Variants in KIAA0513 observed in about 807,000 individuals in gnomAD.
KIAA0513 encodes KIAA0513.
In KIAA0513, 39 loss-of-function variants were observed where a neutral mutation model predicts 56.5. That is an observed-to-expected ratio of 0.69 (90% confidence interval 0.53 to 0.90). The LOEUF (loss-of-function observed/expected upper bound fraction) is 0.90, where lower values mean the gene tolerates loss of function less well. Ranked by LOEUF, KIAA0513 falls within the 40% of genes least tolerant of loss-of-function variation. The pLI is 0.00. For synonymous variants in KIAA0513, 268 were observed against 215.6 expected (o/e 1.24, Z -2.13); for missense variants, 591 against 535.2 (o/e 1.10, Z -1.03).
In KIAA0513 at chr16:85,078,843, T is replaced by G; in HGVS notation, c.824-82T>G. On this transcript the variant is annotated intron_variant, in intron 7 of 12. Transcript: ENST00000683363. ...CAGTGACATTCGGGGAGAAACTGGC[T>G]GCTGGGAGGCTGTCACCCGGGGTTT... 2.8e-6 allele frequency: 4 copies of G among 1,448,186 alleles called. No homozygotes were observed. The Admixed American group carries it at 6.7e-5, about 24-fold the overall frequency. 89.7% of individuals were successfully genotyped at this position (1,448,186 alleles called of 1,614,324 possible).
intron 1 of KIAA0513, among the ~76,000 whole-genome samples, chr16:85,034,136 T>A (rs908849635): frequency 1.3e-5 from 2 of 152,088 alleles, no homozygotes; most frequent in African/African-American, 4.8e-5. Flanking sequence ...CCCAGCACTT[T>A]GGGAGGCGGA....
At chr16:85,040,506 G>T (rs1016700952) in intron 1 of KIAA0513, among the ~76,000 whole-genome samples, 3 of 152,090 alleles carry the variant, frequency 2.0e-5, no homozygotes, top group Non-Finnish European at 2.9e-5. Context: ...CTCCAGCCTG[G>T]GTGACAGGAT....
At chr16:85,037,505 A>G (rs1050763894) in intron 1 of KIAA0513, among the ~76,000 whole-genome samples, 9 of 152,220 alleles carry the variant, frequency 5.9e-5, no homozygotes, top group African/African-American at 1.7e-4. Context: ...AGACGAACAC[A>G]GTGTCCATAT....
In KIAA0513 at chr16:85,061,430, C is replaced by T. The variant is rs561556292; in HGVS notation, c.-172-5470C>T. Among the ~76,000 whole-genome samples, 4 of 152,302 alleles carry T rather than the reference C, an allele frequency of 2.6e-5. No individual in the cohort carries two copies. In the South Asian group the frequency reaches 8.3e-4, roughly 32 times the overall value. ...CGGTCTCTTCCTGGCCTCTCCCCGC[C>T]TTGCCTTACTGCAGCTTCAACAGGG... is the stretch of plus-strand genomic sequence containing the variant. On this transcript the variant is annotated intron_variant, in intron 1 of 12. Coordinates refer to ENST00000683363, the MANE Select transcript of KIAA0513 (RefSeq NM_001388359.1).
At chr16:85,035,026 C>T (rs998631689) in intron 1 of KIAA0513, among the ~76,000 whole-genome samples, 8 of 152,256 alleles carry the variant, frequency 5.3e-5, no homozygotes, top group African/African-American at 1.9e-4. Flanking sequence ...GTGCACCTAC[C>T]TCTGCCCCCC....
chr16:85,084,501 C>T (rs1228113221), intron 10 of KIAA0513, among the ~76,000 whole-genome samples: 11 of 148,402 alleles, frequency 7.4e-5, no homozygotes, highest in Non-Finnish European at 1.6e-4. Context: ...GCGATCTCGG[C>T]TCACTGCAAC....
chr16:85,082,654 C>T lies in KIAA0513; in HGVS notation c.1010+61C>T, dbSNP rs527810696. 14 of 1,538,998 alleles carry T rather than the reference C, an allele frequency of 9.1e-6. No individual in the cohort carries two copies. In the African/African-American group the frequency reaches 1.1e-4, roughly 12 times the overall value. On this transcript the variant is annotated intron_variant, in intron 10 of 12. Coordinates refer to ENST00000683363, the MANE Select transcript of KIAA0513 (RefSeq NM_001388359.1). Reference sequence around the variant, plus strand: ...GTGCGGGCTCCTGCGAAGGCCACTGCAGGGTGGGGGCTGTGCACTGTGCTG... The same window carrying T: ...GTGCGGGCTCCTGCGAAGGCCACTGTAGGGTGGGGGCTGTGCACTGTGCTG...
rs1465449911 is a variant in KIAA0513 at position 85,035,272 on chromosome 16, CTCGTTCT to C, written c.-173+7418_-173+7424del. Among the ~76,000 whole-genome samples, 22 of 152,280 alleles carry C rather than the reference CTCGTTCT, an allele frequency of 1.4e-4. No individual in the cohort carries two copies. In the South Asian group the frequency reaches 4.3e-3, roughly 30 times the overall value. On this transcript the variant is annotated intron_variant, in intron 1 of 12. Transcript: ENST00000683363. ...GCTCTGCAAGTTCTGTGTTGTCCTG[CTCGTTCT>C]TCGGTTCCCCAGGCCTAGCCCAGTG...
At chr16:85,063,031 A>G (rs1016288141) in intron 1 of KIAA0513, among the ~76,000 whole-genome samples, 1 of 152,128 alleles carries the variant, frequency 6.6e-6, no homozygotes, top group Non-Finnish European at 1.5e-5. Flanking sequence ...GGGTCCGGGG[A>G]CAGGGGTGGT....
intron 1 of KIAA0513, among the ~76,000 whole-genome samples, chr16:85,052,598 G>C (rs2073269892): frequency 1.3e-5 from 2 of 152,212 alleles, no homozygotes; most frequent in Admixed American, 1.3e-4. Flanking sequence ...ATAGCAATGA[G>C]TATAGATTCT....
In KIAA0513 at chr16:85,067,181, C is replaced by G. The variant is rs575046019; in HGVS notation, c.110C>G (p.Ser37Cys). The G allele has an allele frequency of 3.7e-6, 6 of 1,614,162 alleles. No homozygotes were observed. The African/African-American group carries it at 5.3e-5, about 14-fold the overall frequency. The change falls in exon 2 of 13, where the codon TCC becomes TGC. Residue 37 changes from serine to cysteine, a missense_variant. Ser to Cys is a moderately radical substitution (Grantham distance 112). Coordinates refer to ENST00000683363, the MANE Select transcript of KIAA0513 (RefSeq NM_001388359.1). Reference protein sequence around the residue: ...PPPVLQDGDGSLGDGASESET... With the variant: ...PPPVLQDGDGCLGDGASESET... ...CCTGTGCTGCAGGACGGCGATGGCT[C>G]CCTGGGGGACGGTGCATCAGAGAGT...
chr16:85,067,272 C>G lies in KIAA0513; in HGVS notation c.201C>G (p.Asp67Glu), dbSNP rs1354965799. ...MGESPSHPSWDQDRRSSSNES... is the reference protein window; with the variant it reads ...MGESPSHPSWEQDRRSSSNES... Reference sequence around the variant, plus strand: ...AGTCGCCCTCGCACCCGTCCTGGGACCAAGACCGCCGTTCCTCCTCCAACG... The same window carrying G: ...AGTCGCCCTCGCACCCGTCCTGGGAGCAAGACCGCCGTTCCTCCTCCAACG... The change falls in exon 2 of 13, where the codon GAC (aspartate) becomes GAG (glutamate). Residue 67 changes from aspartate (D) to glutamate (E), a missense_variant. Transcript: ENST00000683363. The G allele has an allele frequency of 5.0e-6, 8 of 1,613,992 alleles. No individual in the cohort carries two copies. The highest frequency in any genetic ancestry group is 1.1e-5 in the South Asian group (1 of 91,088).
At chr16:85,053,201 T>C (rs1236078239) in intron 1 of KIAA0513, among the ~76,000 whole-genome samples, 1 of 152,198 alleles carries the variant, frequency 6.6e-6, no homozygotes. Flanking sequence ...GATCAAATTT[T>C]TAGATAACCT....
At chr16:85,058,654 C>G (rs956376190) in intron 1 of KIAA0513, among the ~76,000 whole-genome samples, 93 of 122,814 alleles carry the variant, frequency 7.6e-4, no homozygotes, top group African/African-American at 2.4e-3. Context: ...CTCCATCTCA[C>G]AAAAAAAAAA....
chr16:85,082,854 A>T (rs1204876762), intron 10 of KIAA0513, among the ~76,000 whole-genome samples: 2 of 152,224 alleles, frequency 1.3e-5, no homozygotes, highest in African/African-American at 4.8e-5. Context: ...CAAATGTGAC[A>T]CCTTGAGACG....
chr16:85,035,139 G>C (rs895528492), intron 1 of KIAA0513, among the ~76,000 whole-genome samples: 1 of 152,150 alleles, frequency 6.6e-6, no homozygotes, highest in Admixed American at 6.5e-5. Flanking sequence ...GGAGCCCCCA[G>C]TTCTCCGAGC....
At chr16:85,028,830 A>G (rs1157735243) in intron 1 of KIAA0513, among the ~76,000 whole-genome samples, 11 of 152,150 alleles carry the variant, frequency 7.2e-5, no homozygotes, top group African/African-American at 2.7e-4. Flanking sequence ...CTGACGTGGA[A>G]GTAGTGGCTG....
intron 4 of KIAA0513, among the ~76,000 whole-genome samples, chr16:85,073,315 T>G (rs1441318347): frequency 6.6e-6 from 1 of 152,224 alleles, no homozygotes; most frequent in Non-Finnish European, 1.5e-5. Context: ...GGAGATCTGG[T>G]ACTTTCCCGA....
chr16:85,071,631 G>T (rs548583115), intron 2 of KIAA0513, 152 bp from the exon 3 acceptor site: 1 of 621,340 alleles, frequency 1.6e-6, no homozygotes, highest in Non-Finnish European at 2.8e-6. Flanking sequence ...TCATGGGACC[G>T]CCCGGAGGCT....
Sources: allele counts gnomAD v4.1 joint callset (sites outside exome capture counted in the v4.1 genomes callset), GRCh38; gene constraint gnomAD v4.1.1; transcripts MANE v1.5; gene names NCBI Gene and HGNC (gene_info 2026-07-23, HGNC 2026-07-21).